Variants in TF observed in about 807,000 individuals in gnomAD.
TF encodes the protein transferrin.
In TF, 55 loss-of-function variants were observed where a neutral mutation model predicts 82.4. The ratio of observed to expected loss-of-function variants is 0.67; its 90% CI spans 0.54 to 0.84. TF has a LOEUF of 0.84. TF is among the 40% of genes least tolerant of loss of function. The pLI, the probability that TF is intolerant of heterozygous loss-of-function variation, is 0.00. For synonymous variants in TF, 332 were observed against 332.6 expected (o/e 1.00, Z 0.02); for missense variants, 737 against 868.4 (o/e 0.85, Z 1.90).
chr3:133,746,825 G>A (rs1180964196), intron 1 of TF, among the ~76,000 whole-genome samples: 2 of 152,178 alleles, frequency 1.3e-5, no homozygotes, highest in Admixed American at 6.5e-5. Flanking sequence ...AAGGCCTCCC[G>A]GGTCTGACCA....
chr3:133,717,398 A>T, the TF span, among the ~76,000 whole-genome samples: 1 of 152,164 alleles, frequency 6.6e-6, no homozygotes, highest in African/African-American at 2.4e-5. Context: ...TTTTAATATA[A>T]GGGGATACAC....
Position 133,757,816 on chromosome 3 carries a change from T to G in TF, c.918T>G (p.Ser306=), listed in dbSNP as rs369556588. 1.2e-6 allele frequency: 2 copies of G among 1,614,098 alleles called. No individual in the cohort carries two copies. The highest frequency in any genetic ancestry group is 2.7e-5 in the African/African-American group (2 of 74,938). The change falls in exon 8 of 17, where the codon TCT becomes TCG. Residue 306 remains serine (S), a synonymous_variant. Transcript: ENST00000402696. ...DKSKEFQLFS[S]PHGKDLLFKD... ...CAAAAGAATTCCAACTATTCAGCTC[T>G]CCTCATGGGAAGGACCTGCTGTTTA...
At chr3:133,717,473 G>A in the TF span, among the ~76,000 whole-genome samples, 1 of 152,222 alleles carries the variant, frequency 6.6e-6, no homozygotes, top group African/African-American at 2.4e-5. Context: ...CCCCTGCAGG[G>A]TGGGTTTTGG....
At chr3:133,710,754 C>T in the TF span, among the ~76,000 whole-genome samples, 6 of 152,202 alleles carry the variant, frequency 3.9e-5, no homozygotes, top group South Asian at 8.3e-4. Flanking sequence ...TTTCTCTCAA[C>T]ATGTAAACAC....
intron 13 of TF, among the ~76,000 whole-genome samples, chr3:133,769,523 A>C (rs1366473732): frequency 6.6e-6 from 1 of 152,350 alleles, no homozygotes; most frequent in East Asian, 1.9e-4. Flanking sequence ...TTAGCTATGA[A>C]GTAAAATGTA....
In TF at chr3:133,780,622, T is replaced by C. The variant is rs1482355716; in HGVS notation, c.*2002T>C. On this transcript the variant is annotated 3_prime_UTR_variant, in exon 17 of 17. Transcript: ENST00000402696. Reference sequence around the variant, plus strand: ...TTAGAACAGGTGGCCAATCCAATTATACAAGAAAAATAAGTTATAATATTT... The same window carrying C: ...TTAGAACAGGTGGCCAATCCAATTACACAAGAAAAATAAGTTATAATATTT... 6.6e-6 allele frequency: 1 copy of C among 152,198 alleles called. No homozygotes were observed. Among genetic ancestry groups the C allele is most frequent in the East Asian group, 1.9e-4 (1 of 5,204 alleles). 9.4% of individuals were successfully genotyped at this position (152,198 alleles called of 1,614,324 possible).
At chr3:133,725,240 C>T in the TF span, among the ~76,000 whole-genome samples, 10 of 152,060 alleles carry the variant, frequency 6.6e-5, no homozygotes, top group Non-Finnish European at 1.2e-4. Flanking sequence ...TATAAATTAC[C>T]TTGGGCAGTA....
chr3:133,724,463 A>G, the TF span, among the ~76,000 whole-genome samples: 1 of 150,156 alleles, frequency 6.7e-6, no homozygotes, highest in Non-Finnish European at 1.5e-5. Flanking sequence ...TCTTATGAGA[A>G]GTGTCTGTTC....
chr3:133,777,209 TTG>T lies in TF; in HGVS notation c.2034_2035del (p.Gly679Ter). 1.2e-6 allele frequency: 2 copies of T among 1,613,572 alleles called. No homozygotes were observed. Among genetic ancestry groups the T allele is most frequent in the South Asian group, 2.2e-5 (2 of 91,080 alleles). On this transcript the variant is annotated frameshift_variant, in exon 16 of 17. Coordinates refer to ENST00000402696, the MANE Select transcript of TF (RefSeq NM_001063.4). LOFTEE classifies it high-confidence loss of function. ...TTAGGAGAAGAATATGTCAAGGCTG[TTG>T]GTAACCTGAGAAAATGCTCCACCTC...
chr3:133,766,020 A>G (rs2107925469), intron 11 of TF, among the ~76,000 whole-genome samples: 1 of 152,282 alleles, frequency 6.6e-6, no homozygotes, highest in South Asian at 2.1e-4. Flanking sequence ...CAGTGACTTT[A>G]TGCACTTAGG....
the TF span, among the ~76,000 whole-genome samples, chr3:133,735,218 G>A: frequency 1.1e-3 from 162 of 151,942 alleles, no homozygotes; most frequent in Non-Finnish European, 1.8e-3. Context: ...GCAGGTGCCT[G>A]TAATCCCAGT....
At chr3:133,723,464 C>A in the TF span, among the ~76,000 whole-genome samples, 121 of 148,568 alleles carry the variant, frequency 8.1e-4, no homozygotes, top group African/African-American at 2.8e-3. Context: ...TTTCTTCATT[C>A]CTTTTTATTC....
the TF span, among the ~76,000 whole-genome samples, chr3:133,737,818 T>G: frequency 6.6e-6 from 1 of 152,250 alleles, no homozygotes; most frequent in East Asian, 1.9e-4. Flanking sequence ...GAAGCAGTAA[T>G]TAATAGCCTA....
chr3:133,789,207 C>T lies in TF; in HGVS notation c.*10587C>T, dbSNP rs1934766930. On this transcript the variant is annotated 3_prime_UTR_variant, in exon 17 of 17. Coordinates refer to ENST00000402696, the MANE Select transcript of TF (RefSeq NM_001063.4). ...AAGCCCTCCTTAGAATTTTCTCTTG[C>T]AGTTGCAATACTGTTTGGCCCCAAT... The T allele has an allele frequency of 6.6e-6, 1 of 152,274 alleles. No homozygotes were observed. The highest frequency in any genetic ancestry group is 2.4e-5 in the African/African-American group (1 of 41,456). The allele number at this position is 152,274 out of a possible 1,614,324, so 9.4% of individuals were successfully genotyped here.
the TF span, among the ~76,000 whole-genome samples, chr3:133,666,935 C>G: frequency 6.6e-6 from 1 of 151,956 alleles, no homozygotes; most frequent in Non-Finnish European, 1.5e-5. Context: ...ACTCGGGAGG[C>G]TGAGGCAGGA....
chr3:133,670,722 G>A, the TF span, among the ~76,000 whole-genome samples: 2 of 152,228 alleles, frequency 1.3e-5, no homozygotes, highest in Non-Finnish European at 2.9e-5. Context: ...ATAGCAGACA[G>A]TATTTTCCAA....
chr3:133,742,943 T>A (rs1179309900), upstream of TF, among the ~76,000 whole-genome samples: 1 of 152,220 alleles, frequency 6.6e-6, no homozygotes, highest in Non-Finnish European at 1.5e-5. Flanking sequence ...AAGATTTGGC[T>A]CATGCTTGGG....
At chr3:133,726,531 A>G in the TF span, among the ~76,000 whole-genome samples, 1 of 152,022 alleles carries the variant, frequency 6.6e-6, no homozygotes, top group East Asian at 1.9e-4. Flanking sequence ...TATTGCATCT[A>G]TTTGATTCTT....
intron 2 of TF, among the ~76,000 whole-genome samples, chr3:133,751,342 C>T (rs187267468): frequency 0.015 from 2,279 of 151,282 alleles, 33 homozygotes; most frequent in South Asian, 0.021. Context: ...ACGCCATTCT[C>T]CTGCCTCAGC....
Sources: allele counts gnomAD v4.1 joint callset (sites outside exome capture counted in the v4.1 genomes callset), GRCh38; gene constraint gnomAD v4.1.1; transcripts MANE v1.5; gene names NCBI Gene and HGNC (gene_info 2026-07-23, HGNC 2026-07-21).